EXT1: variants seen among roughly 807,000 people sequenced by gnomAD.
EXT1 encodes exostosin glycosyltransferase 1, also known as exostosin-1.
EXT1 carries 20 observed loss-of-function variants against 82.5 expected under a neutral mutation model. The ratio of observed to expected loss-of-function variants is 0.24; its 90% confidence interval spans 0.17 to 0.35. EXT1 has a LOEUF of 0.35. Among genes scored for constraint, EXT1 ranks in the 10% least tolerant of loss-of-function variants. The pLI is 1.00. For synonymous variants in EXT1, 348 were observed against 350.8 expected (o/e 0.99, Z 0.09); for missense variants, 757 against 936.5 (o/e 0.81, Z 2.50).
At chr8:117,983,887 G>T (rs1471427932) in intron 1 of EXT1, among the ~76,000 whole-genome samples, 1 of 152,132 alleles carries the variant, frequency 6.6e-6, no homozygotes, top group Non-Finnish European at 1.5e-5. Flanking sequence ...TTATCTCTCT[G>T]ACTACCCTGT....
intron 1 of EXT1, among the ~76,000 whole-genome samples, chr8:117,865,173 T>A (rs571390472): frequency 6.6e-6 from 1 of 152,214 alleles, no homozygotes; most frequent in East Asian, 1.9e-4. Flanking sequence ...AATAAAATCT[T>A]CTTTACTTTT....
At chr8:117,920,459 C>G (rs1048542703) in intron 1 of EXT1, among the ~76,000 whole-genome samples, 1 of 152,138 alleles carries the variant, frequency 6.6e-6, no homozygotes, top group Non-Finnish European at 1.5e-5. Context: ...AAATCACTTA[C>G]CAATAAGTAA....
At chr8:118,069,956 C>T (rs1469393456) in intron 1 of EXT1, among the ~76,000 whole-genome samples, 2 of 152,132 alleles carry the variant, frequency 1.3e-5, no homozygotes, top group African/African-American at 4.8e-5. Context: ...TTAATATCCT[C>T]ACATACACAT....
chr8:118,047,950 C>T (rs17505597), intron 1 of EXT1, among the ~76,000 whole-genome samples: 1,950 of 151,698 alleles, frequency 0.013, 56 homozygotes, highest in African/African-American at 0.044. Context: ...TGCTTGAATC[C>T]GGGAGGCAGA....
At chr8:118,062,457 C>T (rs75456401) in intron 1 of EXT1, among the ~76,000 whole-genome samples, 3 of 152,166 alleles carry the variant, frequency 2.0e-5, no homozygotes, top group Non-Finnish European at 4.4e-5. Context: ...GCCAGCCTTA[C>T]GTGGACACTA....
chr8:117,919,137 T>C (rs1813808437), intron 1 of EXT1, among the ~76,000 whole-genome samples: 1 of 152,040 alleles, frequency 6.6e-6, no homozygotes, highest in Admixed American at 6.6e-5. Context: ...ATAGGAGAAC[T>C]CTTCTTAACT....
rs1823212383 is a variant in EXT1, at chr8:117,804,717, C to T, written c.2055+5G>A. On this transcript the variant is annotated splice_donor_5th_base_variant and intron_variant, in intron 10 of 10. Transcript: ENST00000378204. ...AGCAAGGGAAGAGGGCTCTTCTATA[C>T]TTACCTGTCCCATCATTGTCTCCTT... The T allele has an allele frequency of 3.1e-6, 5 of 1,614,020 alleles. No individual in the cohort carries two copies. Among genetic ancestry groups the T allele is most frequent in the Non-Finnish European group, 4.2e-6 (5 of 1,179,900 alleles).
At position 117,907,763 on chromosome 8, in the gene EXT1, TA is replaced by T. The variant is rs921944397; in HGVS notation, c.963-70563del. On this transcript the variant is annotated intron_variant, in intron 1 of 10. Transcript: ENST00000378204. Reference sequence around the variant, plus strand: ...AGGTCTTCCTGATTAAATTCACATTTAAAAAAAAAATTAATGGGTAAGTATT... The same window carrying T: ...AGGTCTTCCTGATTAAATTCACATTTAAAAAAAAATTAATGGGTAAGTATT... 3.6e-4 allele frequency among the ~76,000 whole-genome samples: 55 copies of T among 151,772 alleles called. 1 individual carries two copies. The highest frequency in any genetic ancestry group is 9.4e-4 in the African/African-American group (39 of 41,364).
At chr8:117,810,483 T>C (rs149130820) in intron 8 of EXT1, among the ~76,000 whole-genome samples, 102 of 152,332 alleles carry the variant, frequency 6.7e-4, no homozygotes, top group Non-Finnish European at 7.3e-4. Context: ...CCAGCATGCA[T>C]TGAGTGGTTG....
chr8:118,006,471 C>T (rs1586338459), intron 1 of EXT1, among the ~76,000 whole-genome samples: 1 of 152,194 alleles, frequency 6.6e-6, no homozygotes, highest in East Asian at 1.9e-4. Flanking sequence ...AGAGCTGAAC[C>T]AAGTTTCAAC....
chr8:117,895,898 C>G (rs568332405), intron 1 of EXT1, among the ~76,000 whole-genome samples: 1 of 152,202 alleles, frequency 6.6e-6, no homozygotes, highest in African/African-American at 2.4e-5. Flanking sequence ...ACTCAAACTT[C>G]CAGCAGCCCA....
At chr8:117,947,134 A>T (rs1199663928) in intron 1 of EXT1, among the ~76,000 whole-genome samples, 2 of 152,184 alleles carry the variant, frequency 1.3e-5, no homozygotes, top group Non-Finnish European at 2.9e-5. Context: ...GATTACACAC[A>T]GATGTGTGTA....
At chr8:117,819,499 T>C (rs1363679746) in intron 6 of EXT1, among the ~76,000 whole-genome samples, 177 bp downstream of exon 6, 3 of 152,196 alleles carry the variant, frequency 2.0e-5, no homozygotes, top group African/African-American at 7.2e-5. Flanking sequence ...CTTCCAAGAA[T>C]TTCTAAGTGG....
intron 1 of EXT1, among the ~76,000 whole-genome samples, chr8:117,843,261 C>T (rs577612645): frequency 6.6e-6 from 1 of 152,278 alleles, no homozygotes; most frequent in African/African-American, 2.4e-5. Flanking sequence ...ATGTGTCAGG[C>T]ACTCTTCAGG....
At chr8:118,104,096 T>C (rs920432413) in intron 1 of EXT1, among the ~76,000 whole-genome samples, 1 of 152,248 alleles carries the variant, frequency 6.6e-6, no homozygotes, top group Non-Finnish European at 1.5e-5. Flanking sequence ...GATGTGACAC[T>C]GAGCTTGTTA....
In EXT1 at chr8:118,039,097, G is replaced by A. The variant is rs562238023; in HGVS notation, c.962+70988C>T. ...TTCACTCCACTGTATCCAGTCACCT[G>A]GGACACTCAGCATAATAAACATTTG... On this transcript the variant is annotated intron_variant, in intron 1 of 10. Coordinates refer to ENST00000378204, the MANE Select transcript of EXT1 (RefSeq NM_000127.3). Among the ~76,000 whole-genome samples, 11 of 152,296 alleles carry A rather than the reference G, an allele frequency of 7.2e-5. No homozygotes were observed. In the South Asian group the frequency reaches 2.3e-3, roughly 32 times the overall value.
Position 118,020,677 on chromosome 8 carries a change from TA to T in EXT1, c.962+89407del, listed in dbSNP as rs558782558. Among the ~76,000 whole-genome samples the T allele has an allele frequency of 2.5e-3, 374 of 152,294 alleles. 3 individuals carry two copies. The highest frequency in any genetic ancestry group is 0.01 in the Middle Eastern group (3 of 294). On this transcript the variant is annotated intron_variant, in intron 1 of 10. Coordinates refer to ENST00000378204, the MANE Select transcript of EXT1 (RefSeq NM_000127.3). ...AGGACTGTGCCTGATCGAATAGTAT[TA>T]CATTATGGGTTAGCACGGATGAAGG...
At chr8:117,993,606 A>C (rs1815478703) in intron 1 of EXT1, among the ~76,000 whole-genome samples, 1 of 152,238 alleles carries the variant, frequency 6.6e-6, no homozygotes, top group Non-Finnish European at 1.5e-5. Flanking sequence ...ACACAGAACA[A>C]CACCAGAAAG....
intron 1 of EXT1, among the ~76,000 whole-genome samples, chr8:117,882,498 C>T (rs542320918): frequency 7.2e-5 from 11 of 152,284 alleles, no homozygotes; most frequent in African/African-American, 2.6e-4. Context: ...ATTAAGGCTC[C>T]TTTCCTCCCC....
Sources: allele counts gnomAD v4.1 joint callset (sites outside exome capture counted in the v4.1 genomes callset), GRCh38; gene constraint gnomAD v4.1.1; transcripts MANE v1.5; gene names NCBI Gene and HGNC (gene_info 2026-07-23, HGNC 2026-07-21).